MAML2: variants seen among roughly 807,000 people sequenced by gnomAD.
MAML2 encodes the protein mastermind-like protein 2.
A neutral mutation model predicts 96.1 loss-of-function variants in MAML2; 22 were observed. The ratio of observed to expected loss-of-function variants is 0.23; its 90% CI spans 0.16 to 0.33. MAML2 has a LOEUF of 0.33. MAML2 is among the 10% of genes least tolerant of loss of function. The pLI, the probability that MAML2 is intolerant of heterozygous loss-of-function variation, is 1.00. For synonymous variants in MAML2, 561 were observed against 521.3 expected (o/e 1.08, Z -1.04); for missense variants, 1,367 against 1,392.4 (o/e 0.98, Z 0.29).
intron 3 of MAML2, among the ~76,000 whole-genome samples, chr11:95,989,672 G>GA (rs11392480): frequency 0.39 from 58,725 of 151,880 alleles, 13,470 homozygotes; most frequent in African/African-American, 0.64. Flanking sequence ...GAACAGGGGG[G>GA]AGGACTGGAG....
intron 1 of MAML2, among the ~76,000 whole-genome samples, chr11:96,222,773 G>A (rs529748149): frequency 8.5e-5 from 13 of 152,248 alleles, no homozygotes; most frequent in Non-Finnish European, 1.3e-4. Flanking sequence ...GTCTAGTAGT[G>A]ACTAGTGTGC....
At chr11:96,328,631 G>A (rs1863816388) in intron 1 of MAML2, among the ~76,000 whole-genome samples, 1 of 152,148 alleles carries the variant, frequency 6.6e-6, no homozygotes, top group South Asian at 2.1e-4. Context: ...GGAGAGAGGG[G>A]ACTGTGTTAC....
chr11:96,252,382 T>C (rs1049522528), intron 1 of MAML2, among the ~76,000 whole-genome samples: 59 of 152,194 alleles, frequency 3.9e-4, no homozygotes, highest in African/African-American at 1.4e-3. Flanking sequence ...TTATGTGATG[T>C]TTTGTGCAAG....
chr11:96,134,710 C>T (rs1860599738), intron 1 of MAML2, among the ~76,000 whole-genome samples: 1 of 152,144 alleles, frequency 6.6e-6, no homozygotes, highest in Non-Finnish European at 1.5e-5. Context: ...AAGTAAGTGG[C>T]ATGTTTCAAC....
At chr11:96,234,843 G>A (rs770411992) in intron 1 of MAML2, among the ~76,000 whole-genome samples, 8 of 152,030 alleles carry the variant, frequency 5.3e-5, no homozygotes, top group South Asian at 2.1e-4. Flanking sequence ...AAAAAGATAC[G>A]TACTTAAATT....
rs146362579 is a variant in MAML2, at chr11:96,016,064, C to G, written c.2140-24341G>C. 1.6e-3 allele frequency among the ~76,000 whole-genome samples: 251 copies of G among 152,214 alleles called. 1 individual carries two copies. The highest frequency in any genetic ancestry group is 2.7e-3 in the Admixed American group (41 of 15,292). On this transcript the variant is annotated intron_variant, in intron 2 of 4. Transcript: ENST00000524717. ...AGGTCGCTTCTAAAGTCCTTTTGTT[C>G]AAAACTTAATCTTTATTTAAACTTT...
chr11:96,305,809 A>G (rs934035762), intron 1 of MAML2, among the ~76,000 whole-genome samples: 7 of 152,202 alleles, frequency 4.6e-5, no homozygotes, highest in African/African-American at 1.7e-4. Context: ...ATCTGTCTCT[A>G]TGCAAAATAT....
chr11:96,130,537 G>A (rs181869501), intron 1 of MAML2, among the ~76,000 whole-genome samples: 58 of 152,248 alleles, frequency 3.8e-4, no homozygotes, highest in African/African-American at 1.3e-3. Context: ...CTAGGGACAC[G>A]AAAGATGAAG....
Position 96,342,248 on chromosome 11 carries a change from A to G in MAML2, c.-353T>C, listed in dbSNP as rs769599005. 6.8e-6 allele frequency: 3 copies of G among 442,772 alleles called. No homozygotes were observed. The highest frequency in any genetic ancestry group is 3.2e-5 in the East Asian group (1 of 30,946). The allele number at this position is 442,772 out of a possible 1,614,324, so 27.4% of individuals were successfully genotyped here. ...CCACTAGGTACTTTGTAAACACACG[A>G]TCTGGGGGTTAGATCAAGAATTCAG... On this transcript the variant is annotated 5_prime_UTR_variant, in exon 1 of 5. Coordinates refer to ENST00000524717, the MANE Select transcript of MAML2 (RefSeq NM_032427.4).
intron 2 of MAML2, among the ~76,000 whole-genome samples, chr11:96,008,569 T>C (rs190150345): frequency 2.0e-5 from 3 of 152,304 alleles, no homozygotes. Flanking sequence ...TTGAGCCAAT[T>C]AGATCCTCTT....
intron 1 of MAML2, among the ~76,000 whole-genome samples, chr11:96,189,197 G>A (rs1861618088): frequency 6.6e-6 from 1 of 152,030 alleles, no homozygotes; most frequent in South Asian, 2.1e-4. Flanking sequence ...GATTTGATGA[G>A]AGTTTGGTAA....
intron 2 of MAML2, among the ~76,000 whole-genome samples, chr11:96,088,743 TA>T (rs1859657352): frequency 6.6e-6 from 1 of 152,144 alleles, no homozygotes; most frequent in African/African-American, 2.4e-5. Flanking sequence ...ACAATTTTAT[TA>T]TGCTGCATCC....
chr11:96,034,405 T>C (rs1447548220), intron 2 of MAML2, among the ~76,000 whole-genome samples: 4 of 120,572 alleles, frequency 3.3e-5, no homozygotes, highest in Admixed American at 1.5e-4. Flanking sequence ...TCAAATACTT[T>C]GAAGTGTGTG....
rs1451130694 is a variant in MAML2 at position 96,092,656 on chromosome 11, T to G, written c.1375A>C (p.Thr459Pro). 1 of 1,613,208 alleles carries G rather than the reference T, an allele frequency of 6.2e-7. No homozygotes were observed. Among genetic ancestry groups the G allele is most frequent in the African/African-American group, 1.3e-5 (1 of 74,788 alleles). ...MQQHQQQHQPTNWSALPSSAG... is the reference protein window; with the variant it reads ...MQQHQQQHQPPNWSALPSSAG... The stretch of plus-strand genomic sequence containing the variant: ...GAAGAGGGCAAGGCTGACCAGTTGG[T>G]AGGCTGGTGCTGCTGCTGGTGCTGC... Residue 459 changes from threonine to proline, a missense_variant, in exon 2 of 5, where the codon ACC (threonine) becomes CCC (proline). Thr to Pro is a conservative substitution (Grantham distance 38, BLOSUM62 -1). Transcript: ENST00000524717. The surrounding 1 kb of genome is among the most constrained non-coding windows in gnomAD (Gnocchi z 4.1).
intron 4 of MAML2, among the ~76,000 whole-genome samples, chr11:95,983,495 C>A (rs1857774941): frequency 6.6e-6 from 1 of 151,966 alleles, no homozygotes; most frequent in African/African-American, 2.4e-5. Flanking sequence ...TTGTAGCACT[C>A]TAGGATGACT....
At position 96,243,649 on chromosome 11, in the gene MAML2, C is replaced by G. The variant is rs1375810588; in HGVS notation, c.513+97734G>C. Among the ~76,000 whole-genome samples the G allele has an allele frequency of 4.4e-5, 5 of 114,614 alleles. No homozygotes were observed. In the East Asian group the frequency reaches 9.6e-4, roughly 22 times the overall value. The allele number at this position is 114,614 out of a possible 152,430, so 75.2% of individuals were successfully genotyped here. On this transcript the variant is annotated intron_variant, in intron 1 of 4. Transcript: ENST00000524717. ...AAGTGCCTTCTGAACAGTCATCCTT[C>G]TTTTTCTTTTTTTTTTTTTTTTGAG...
Position 96,092,802 on chromosome 11 carries a change from C to A in MAML2, c.1229G>T (p.Ser410Ile). 2.5e-6 allele frequency: 4 copies of A among 1,611,370 alleles called. No individual in the cohort carries two copies. The highest frequency in any genetic ancestry group is 3.4e-6 in the Non-Finnish European group (4 of 1,178,260). The change falls in exon 2 of 5, where the codon AGC becomes ATC. Residue 410 changes from serine to isoleucine, a missense_variant. Transcript: ENST00000524717. The surrounding 1 kb of genome is among the most constrained non-coding windows in gnomAD (Gnocchi z 4.1). ...GGAGCCTGTCTGAGGCTGAGCCTGG[C>A]TCTGAGGGACTGAAGGGATTGGAGA... ...TSSPIPSVPQ[S>I]QAQPQTGSGA...
intron 2 of MAML2, among the ~76,000 whole-genome samples, chr11:96,041,351 T>A (rs10831470): frequency 0.11 from 14,460 of 133,368 alleles, 930 homozygotes; most frequent in East Asian, 0.3. Context: ...AAAAAAAAAA[T>A]TTAGCCGGGC....
intron 1 of MAML2, among the ~76,000 whole-genome samples, chr11:96,162,126 C>G (rs1322572169): frequency 1.4e-5 from 2 of 147,912 alleles, no homozygotes; most frequent in Non-Finnish European, 3.0e-5. Context: ...AGGGCATGTA[C>G]ATAACCTCAC....
Sources: gnomAD v4.1 joint callset for allele counts (sites outside exome capture counted in the v4.1 genomes callset) on GRCh38, gnomAD v4.1.1 for gene constraint, Gnocchi (gnomAD v3.1) non-coding constraint, MANE v1.5 for transcripts, NCBI Gene and HGNC (gene_info 2026-07-23, HGNC 2026-07-21) for gene names.